Variants in UNC93A observed in about 807,000 individuals in gnomAD.
UNC93A encodes the protein unc-93 homolog A.
A neutral mutation model predicts 47.5 loss-of-function variants in UNC93A; 43 were observed. The observed-to-expected ratio is 0.91, with a 90% CI of 0.71 to 1.17. The LOEUF (loss-of-function observed/expected upper bound fraction) is 1.17, where lower values mean the gene tolerates loss of function less well. UNC93A is among the 50% of genes most tolerant of loss of function. The pLI is 0.00. For missense variants in UNC93A, 605 were observed against 577.6 expected (o/e 1.05, Z -0.49); for synonymous variants, 280 against 258.0 (o/e 1.09, Z -0.82).
upstream of UNC93A, among the ~76,000 whole-genome samples, chr6:167,270,146 G>A (rs947775140): frequency 6.6e-6 from 1 of 151,982 alleles, no homozygotes; most frequent in Non-Finnish European, 1.5e-5. Flanking sequence ...ATCCATCTGT[G>A]TTCATGTCTG....
In UNC93A at chr6:167,307,873, G is replaced by C. The variant is rs368906617; in HGVS notation, c.1071G>C (p.Trp357Cys). ...TGTTCTTCGTATTCTCTGGCCTGTG[G>C]GGCGTGGCAGATGCCGTCTGGCAGA... ...LAVFFVFSGL[W>C]GVADAVWQTQ... is the part of the protein sequence containing the mutation. Residue 357 changes from tryptophan (W) to cysteine (C), a missense_variant, in exon 7 of 8, where the codon TGG becomes TGC. Physicochemically the swap from Trp to Cys is radical, Grantham distance 215 (BLOSUM62 -2). Transcript: ENST00000230256. 7 of 1,614,014 alleles carry C rather than the reference G, an allele frequency of 4.3e-6. No homozygotes were observed. Among genetic ancestry groups the C allele is most frequent in the Non-Finnish European group, 5.9e-6 (7 of 1,179,928 alleles).
chr6:167,283,460 T>G (rs3010558), intron 1 of UNC93A, among the ~76,000 whole-genome samples: 19,833 of 152,174 alleles, frequency 0.13, 1,669 homozygotes, highest in South Asian at 0.28. Flanking sequence ...TGGAATCCCC[T>G]TGGCTGAAAA....
At chr6:167,296,611 G>T (rs1166064512) in intron 3 of UNC93A, among the ~76,000 whole-genome samples, 2 of 152,200 alleles carry the variant, frequency 1.3e-5, no homozygotes, top group Non-Finnish European at 2.9e-5. Context: ...ACTAAGGATG[G>T]GGTTGCCTGA....
chr6:167,273,601 G>A (rs1056004348), intron 1 of UNC93A, among the ~76,000 whole-genome samples: 4 of 152,202 alleles, frequency 2.6e-5, no homozygotes, highest in East Asian at 1.9e-4. Context: ...ACCATGGCCC[G>A]TGACACAGTC....
Position 167,315,643 on chromosome 6 carries a change from C to T in UNC93A, c.*191C>T. 1 of 677,962 alleles carries T rather than the reference C, an allele frequency of 1.5e-6. No individual in the cohort carries two copies. The highest frequency in any genetic ancestry group is 2.4e-6 in the Non-Finnish European group (1 of 421,850). The allele number at this position is 677,962 out of a possible 1,614,324, so 42.0% of individuals were successfully genotyped here. ...ACAAATTTTTCGTCCACCATCTTAA[C>T]AGAGATCAAGTGTATACATGAAGGT... On this transcript the variant is annotated 3_prime_UTR_variant, in exon 8 of 8. Coordinates refer to ENST00000230256, the MANE Select transcript of UNC93A (RefSeq NM_018974.4).
chr6:167,307,948 A>G, intron 7 of UNC93A, 38 bp downstream of exon 7: 1 of 1,609,438 alleles, frequency 6.2e-7, no homozygotes, highest in Non-Finnish European at 8.5e-7. Context: ...CTGTGGCAGC[A>G]GGGGGCGGTC....
chr6:167,296,529 C>T (rs1453322059), intron 3 of UNC93A, among the ~76,000 whole-genome samples: 2 of 152,212 alleles, frequency 1.3e-5, no homozygotes, highest in African/African-American at 2.4e-5. Flanking sequence ...GAGAGGGCGC[C>T]ATGGGAAACT....
At chr6:167,301,314 C>A (rs1325792723) in intron 4 of UNC93A, among the ~76,000 whole-genome samples, 1 of 152,228 alleles carries the variant, frequency 6.6e-6, no homozygotes, top group African/African-American at 2.4e-5. Context: ...TTATGTAGAG[C>A]AGAGATCACA....
Position 167,296,248 on chromosome 6 carries a change from GAC to G in UNC93A, c.487_488del (p.Thr163SerfsTer18). 6.2e-7 allele frequency: 1 copy of G among 1,614,188 alleles called. No individual in the cohort carries two copies. The highest frequency in any genetic ancestry group is 8.5e-7 in the Non-Finnish European group (1 of 1,180,034). Reference sequence around the variant, plus strand: ...TGATCTCATCGCTGGTATTTGGCCAGACTCCCAGCCAAGGTAAAAGGAAAAGG... The same window carrying G: ...TGATCTCATCGCTGGTATTTGGCCAGTCCCAGCCAAGGTAAAAGGAAAAGG... ...NLISSLVFGQTPSQETLPEEQ... is the reference protein window; with the variant it reads ...NLISSLVFGQXPSQETLPEEQ... On this transcript the variant is annotated frameshift_variant, in exon 3 of 8. Coordinates refer to ENST00000230256, the MANE Select transcript of UNC93A (RefSeq NM_018974.4). LOFTEE classifies it high-confidence loss of function.
intron 1 of UNC93A, among the ~76,000 whole-genome samples, chr6:167,282,730 G>C (rs1259004245): frequency 1.3e-5 from 2 of 152,198 alleles, no homozygotes; most frequent in Non-Finnish European, 2.9e-5. Context: ...CCAGGACACA[G>C]ATCCTGAGAA....
chr6:167,303,402 C>T (rs1407236037), intron 4 of UNC93A, among the ~76,000 whole-genome samples: 1 of 152,100 alleles, frequency 6.6e-6, no homozygotes, highest in Admixed American at 6.6e-5. Context: ...TTCAAATGCA[C>T]AACATTCTGT....
At chr6:167,307,425 C>T (rs1049392745) in intron 6 of UNC93A, among the ~76,000 whole-genome samples, 10 of 111,310 alleles carry the variant, frequency 9.0e-5, no homozygotes, top group Admixed American at 1.8e-4. Context: ...ATGGTTGAGA[C>T]GGTTGAGATG....
chr6:167,300,497 T>C (rs1427621712), intron 4 of UNC93A, among the ~76,000 whole-genome samples: 1 of 152,030 alleles, frequency 6.6e-6, no homozygotes, highest in Non-Finnish European at 1.5e-5. Flanking sequence ...TCTTAGCCAG[T>C]GAGAGGCTGT....
upstream of UNC93A, among the ~76,000 whole-genome samples, chr6:167,269,916 A>G (rs537642543): frequency 6.6e-6 from 1 of 152,198 alleles, no homozygotes; most frequent in South Asian, 2.1e-4. Flanking sequence ...GGCCCGGCCA[A>G]TAATGGCACT....
At position 167,298,525 on chromosome 6, in the gene UNC93A, C is replaced by CTT. The variant is rs373731342; in HGVS notation, c.625+468_625+469dup. Among the ~76,000 whole-genome samples, 785 of 144,136 alleles carry CTT rather than the reference C, an allele frequency of 5.4e-3. 5 individuals carry two copies. The highest frequency in any genetic ancestry group is 9.6e-3 in the African/African-American group (378 of 39,386). 94.6% of individuals were successfully genotyped at this position (144,136 alleles called of 152,430 possible). ...GAACATCCATAATTGCTATAAGCCACTTTTTTTTTTTTTTCTGAGAAATGT... is the reference window on the plus strand; with the variant it reads ...GAACATCCATAATTGCTATAAGCCACTTTTTTTTTTTTTTTTCTGAGAAATGT... On this transcript the variant is annotated intron_variant, in intron 4 of 7. Coordinates refer to ENST00000230256, the MANE Select transcript of UNC93A (RefSeq NM_018974.4).
rs1778671182 is a variant in UNC93A, at chr6:167,315,548, T to C, written c.*96T>C. The stretch of plus-strand genomic sequence containing the variant: ...GACATAGAGCGGCTCCTCATCACCA[T>C]CTCAGCACAATTTGGCCATTCTGAA... On this transcript the variant is annotated 3_prime_UTR_variant, in exon 8 of 8. Transcript: ENST00000230256. 1.3e-6 allele frequency: 2 copies of C among 1,579,668 alleles called. No homozygotes were observed. The highest frequency in any genetic ancestry group is 2.3e-5 in the South Asian group (2 of 87,366).
At chr6:167,302,931 C>A (rs1583084648) in intron 4 of UNC93A, among the ~76,000 whole-genome samples, 1 of 152,284 alleles carries the variant, frequency 6.6e-6, no homozygotes, top group East Asian at 1.9e-4. Context: ...TGCCGTCCTG[C>A]TCACCCCGCC....
At chr6:167,284,211 G>A (rs1227958969) in intron 1 of UNC93A, among the ~76,000 whole-genome samples, 1 of 151,648 alleles carries the variant, frequency 6.6e-6, no homozygotes, top group Non-Finnish European at 1.5e-5. Flanking sequence ...GGGTACGGGA[G>A]CACTTACAGA....
chr6:167,302,368 G>T (rs887978570), intron 4 of UNC93A, among the ~76,000 whole-genome samples: 9 of 152,128 alleles, frequency 5.9e-5, no homozygotes, highest in Admixed American at 2.6e-4. Flanking sequence ...AGGAGCAGGG[G>T]TCTAAGTTCT....
Sources: allele counts gnomAD v4.1 joint callset (sites outside exome capture counted in the v4.1 genomes callset), GRCh38; gene constraint gnomAD v4.1.1; transcripts MANE v1.5; gene names NCBI Gene and HGNC (gene_info 2026-07-23, HGNC 2026-07-21).